Variants in MYLK4 observed in about 807,000 individuals in gnomAD.
MYLK4 encodes the protein myosin light chain kinase family member 4.
In MYLK4, 46 loss-of-function variants were observed where a neutral mutation model predicts 48.1. That is an observed-to-expected ratio of 0.96 (90% confidence interval 0.75 to 1.22). The LOEUF is 1.22. Ranked by LOEUF, MYLK4 falls within the 50% of genes most tolerant of loss-of-function variation. MYLK4 has a pLI of 0.00. For missense variants in MYLK4, 451 were observed against 486.1 expected (o/e 0.93, Z 0.68); for synonymous variants, 170 against 180.8 (o/e 0.94, Z 0.48).
chr6:2,733,801 TG>T (rs1763561414), intron 2 of MYLK4, among the ~76,000 whole-genome samples: 1 of 152,064 alleles, frequency 6.6e-6, no homozygotes, highest in Non-Finnish European at 1.5e-5. Flanking sequence ...ATGAGACCCC[TG>T]GAGGGTTATC....
intron 10 of MYLK4, 109 bp downstream of exon 10, chr6:2,678,111 G>T: frequency 2.2e-6 from 3 of 1,364,110 alleles, no homozygotes; most frequent in East Asian, 2.3e-5. Context: ...ATGACTTTGC[G>T]CAAGCATCAC....
intron 2 of MYLK4, among the ~76,000 whole-genome samples, chr6:2,710,147 A>C (rs915375613): frequency 6.6e-6 from 1 of 152,162 alleles, no homozygotes; most frequent in East Asian, 1.9e-4. Context: ...ACCTTCTCTC[A>C]CTTGTAAGTT....
chr6:2,683,947 C>A (rs1351412141), intron 6 of MYLK4, among the ~76,000 whole-genome samples: 1 of 152,164 alleles, frequency 6.6e-6, no homozygotes. Flanking sequence ...CTTGGGGACA[C>A]CTTCCAAGAC....
chr6:2,737,298 C>T (rs1054329433), intron 2 of MYLK4, among the ~76,000 whole-genome samples: 5 of 152,214 alleles, frequency 3.3e-5, no homozygotes, highest in East Asian at 1.9e-4. Flanking sequence ...GGCGACAGAG[C>T]GAGACGCCAT....
At chr6:2,713,435 T>A (rs1288756757) in intron 2 of MYLK4, among the ~76,000 whole-genome samples, 1 of 152,180 alleles carries the variant, frequency 6.6e-6, no homozygotes, top group Non-Finnish European at 1.5e-5. Flanking sequence ...GATTTAGTCT[T>A]TCCTTCAGCA....
chr6:2,745,268 C>T (rs759352746), intron 2 of MYLK4, among the ~76,000 whole-genome samples: 38 of 151,982 alleles, frequency 2.5e-4, no homozygotes, highest in South Asian at 4.1e-4. Context: ...AAATACAACA[C>T]GAGGGCTATT....
At chr6:2,725,841 T>C (rs1763252747) in intron 2 of MYLK4, among the ~76,000 whole-genome samples, 1 of 152,228 alleles carries the variant, frequency 6.6e-6, no homozygotes, top group Non-Finnish European at 1.5e-5. Flanking sequence ...TCCTGCAGTT[T>C]GGAGGGACAC....
chr6:2,710,276 C>T (rs1762627041), intron 2 of MYLK4, among the ~76,000 whole-genome samples: 1 of 152,138 alleles, frequency 6.6e-6, no homozygotes, highest in Non-Finnish European at 1.5e-5. Context: ...CCATGTGGTT[C>T]CTTAGGAGAT....
the MYLK4 span, among the ~76,000 whole-genome samples, chr6:2,763,671 G>T: frequency 6.6e-6 from 1 of 152,236 alleles, no homozygotes; most frequent in Non-Finnish European, 1.5e-5. Flanking sequence ...CCCACAAGCT[G>T]AGGGAGCCAG....
intron 2 of MYLK4, among the ~76,000 whole-genome samples, chr6:2,741,545 CT>C (rs145667731): frequency 0.015 from 2,322 of 152,222 alleles, 53 homozygotes; most frequent in African/African-American, 0.052. Context: ...ATTGGAAAAC[CT>C]TTTTACTGCT....
At chr6:2,750,659 A>T (rs1269071712) in intron 1 of MYLK4, 77 bp downstream of exon 1, 1 of 152,252 alleles carries the variant, frequency 6.6e-6, no homozygotes, top group East Asian at 1.9e-4. Flanking sequence ...GAAGTTTGGT[A>T]CAATTTGTTA....
At chr6:2,694,545 G>A (rs1312564724) in intron 2 of MYLK4, among the ~76,000 whole-genome samples, 35 of 79,148 alleles carry the variant, frequency 4.4e-4, no homozygotes, top group Non-Finnish European at 6.6e-4. Context: ...AGTGTTGGTT[G>A]TGGTGGTAGT....
the MYLK4 span, chr6:2,766,369 T>G: frequency 6.2e-7 from 1 of 1,609,774 alleles, no homozygotes; most frequent in Non-Finnish European, 8.5e-7. Context: ...TGGGCCAGGA[T>G]ACCCTGCTGC....
At chr6:2,763,467 G>A in the MYLK4 span, among the ~76,000 whole-genome samples, 1 of 152,368 alleles carries the variant, frequency 6.6e-6, no homozygotes, top group Non-Finnish European at 1.5e-5. Flanking sequence ...CCTGAGCCTT[G>A]CGCTGCGTGG....
chr6:2,744,251 T>A, intron 2 of MYLK4: 2 of 363,036 alleles, frequency 5.5e-6, no homozygotes, highest in Non-Finnish European at 9.8e-6. Context: ...TACGATGGCC[T>A]TGTGTGACAG....
chr6:2,757,280 C>T, the MYLK4 span, among the ~76,000 whole-genome samples: 4 of 151,978 alleles, frequency 2.6e-5, no homozygotes, highest in Admixed American at 2.0e-4. Flanking sequence ...ACAAAAGGAC[C>T]ATGGCAGCTC....
chr6:2,722,512 AGTGT>A (rs369339405), intron 2 of MYLK4, among the ~76,000 whole-genome samples: 16,143 of 139,374 alleles, frequency 0.12, 945 homozygotes, highest in Non-Finnish European at 0.14. Flanking sequence ...ACATAAAAGG[AGTGT>A]GTGTGTGTGT....
At chr6:2,704,175 T>C (rs1466914351) in intron 2 of MYLK4, among the ~76,000 whole-genome samples, 1 of 152,082 alleles carries the variant, frequency 6.6e-6, no homozygotes, top group Admixed American at 6.5e-5. Context: ...GAAGGTCGGG[T>C]TGGGGGAACT....
intron 2 of MYLK4, among the ~76,000 whole-genome samples, chr6:2,745,636 A>T (rs757397667): frequency 2.6e-5 from 4 of 152,208 alleles, no homozygotes; most frequent in Non-Finnish European, 5.9e-5. Flanking sequence ...GGAAAGTAGG[A>T]AAAATAGGCC....
Sources: allele counts gnomAD v4.1 joint callset (sites outside exome capture counted in the v4.1 genomes callset), GRCh38; gene constraint gnomAD v4.1.1; transcripts MANE v1.5; gene names NCBI Gene and HGNC (gene_info 2026-07-23, HGNC 2026-07-21).